Variants in PITPNC1 observed in about 807,000 individuals in gnomAD.
PITPNC1 encodes cytoplasmic phosphatidylinositol transfer protein 1.
PITPNC1 carries 18 observed loss-of-function variants against 44.7 expected under a neutral mutation model. The ratio of observed to expected loss-of-function variants is 0.40; its 90% CI spans 0.28 to 0.60. PITPNC1 has a LOEUF of 0.60. PITPNC1 is among the 20% of genes least tolerant of loss of function. PITPNC1 has a pLI of 0.39. For synonymous variants in PITPNC1, 141 were observed against 149.6 expected (o/e 0.94, Z 0.42); for missense variants, 290 against 418.4 (o/e 0.69, Z 2.68).
chr17:67,578,294 T>C (rs1236230229), intron 5 of PITPNC1, 37 bp downstream of exon 5: 3 of 1,432,810 alleles, frequency 2.1e-6, no homozygotes, highest in Non-Finnish European at 2.9e-6. Flanking sequence ...GCTCGCCTCG[T>C]GGGCTCTGAA....
At chr17:67,389,191 A>G (rs2038100036) in intron 1 of PITPNC1, among the ~76,000 whole-genome samples, 1 of 152,236 alleles carries the variant, frequency 6.6e-6, no homozygotes, top group African/African-American at 2.4e-5. Context: ...GTGTCCTGCC[A>G]TGTGGCCCTC....
intron 6 of PITPNC1, among the ~76,000 whole-genome samples, chr17:67,661,293 G>A (rs1159068176): frequency 1.3e-5 from 2 of 151,986 alleles, no homozygotes; most frequent in South Asian, 2.1e-4. Flanking sequence ...TCAAGGTCAC[G>A]AGCCCCTCCC....
Position 67,560,362 on chromosome 17 carries a change from A to G in PITPNC1, c.294+6745A>G, listed in dbSNP as rs1598821394. Among the ~76,000 whole-genome samples the G allele has an allele frequency of 2.0e-5, 3 of 152,306 alleles. 1 individual carries two copies. In the Middle Eastern group the frequency reaches 0.01, roughly 518 times the overall value. ...AATGTGTTGCCTGAAGATGACTATTACTCAGATACCAAAGTTTTTTGAAGA... is the reference window on the plus strand; with the variant it reads ...AATGTGTTGCCTGAAGATGACTATTGCTCAGATACCAAAGTTTTTTGAAGA... On this transcript the variant is annotated intron_variant, in intron 4 of 8. Transcript: ENST00000581322.
rs190489448 is a variant in PITPNC1 at position 67,644,228 on chromosome 17, C to T, written c.462+11990C>T. Among the ~76,000 whole-genome samples the T allele has an allele frequency of 1.7e-4, 26 of 152,236 alleles. No homozygotes were observed. The East Asian group carries it at 5.0e-3, about 29-fold the overall frequency. ...TGGGCCATCTGTGGCACTGCAGTGC[C>T]GGGATGGTACCCAAGGCAGTATTGC... On this transcript the variant is annotated intron_variant, in intron 6 of 8. Coordinates refer to ENST00000581322, the MANE Select transcript of PITPNC1 (RefSeq NM_012417.4).
intron 1 of PITPNC1, among the ~76,000 whole-genome samples, chr17:67,382,189 T>TG (rs2037971142): frequency 1.3e-5 from 2 of 152,198 alleles, no homozygotes; most frequent in African/African-American, 4.8e-5. Flanking sequence ...CCTTTTGACT[T>TG]GCTATAGACG....
At chr17:67,669,481 C>G in intron 6 of PITPNC1, 27 bp from the exon 7 acceptor site, 1 of 1,434,090 alleles carries the variant, frequency 7.0e-7, no homozygotes, top group Non-Finnish European at 9.3e-7. Context: ...TTTAATATAT[C>G]AATTTCTTTG....
intron 1 of PITPNC1, among the ~76,000 whole-genome samples, chr17:67,518,268 G>T (rs1236338988): frequency 6.6e-6 from 1 of 152,082 alleles, no homozygotes; most frequent in Non-Finnish European, 1.5e-5. Context: ...CCTCTTTGTG[G>T]TGCCCTTACA....
At chr17:67,531,311 G>T (rs1489926845) in intron 1 of PITPNC1, among the ~76,000 whole-genome samples, 1 of 152,230 alleles carries the variant, frequency 6.6e-6, no homozygotes, top group Non-Finnish European at 1.5e-5. Context: ...TATCCCCAGT[G>T]CTGCCCACTT....
intron 4 of PITPNC1, among the ~76,000 whole-genome samples, chr17:67,575,081 G>A (rs1176319099): frequency 8.6e-6 from 1 of 116,698 alleles, no homozygotes; most frequent in Non-Finnish European, 1.9e-5. Flanking sequence ...TCCTCACAGT[G>A]TTCCACTCTG....
rs544340214 is a variant in PITPNC1 at position 67,515,344 on chromosome 17, G to A, written c.49-17458G>A. On this transcript the variant is annotated intron_variant, in intron 1 of 8. Transcript: ENST00000581322. ...AAGAAGATGTGCTGATTCGTTTCTG[G>A]AGCCTCTCCCTTGTTCTCTTCCCAC... is the stretch of plus-strand genomic sequence containing the variant. Among the ~76,000 whole-genome samples the A allele has an allele frequency of 1.6e-4, 25 of 152,282 alleles. No individual in the cohort carries two copies. In the South Asian group the frequency reaches 4.4e-3, roughly 27 times the overall value.
intron 6 of PITPNC1, among the ~76,000 whole-genome samples, chr17:67,669,168 G>T (rs1353305794): frequency 6.6e-6 from 1 of 152,112 alleles, no homozygotes; most frequent in Non-Finnish European, 1.5e-5. Flanking sequence ...GTGCAATGGC[G>T]CAATCTTGGC....
intron 4 of PITPNC1, among the ~76,000 whole-genome samples, chr17:67,564,968 TATACTC>T (rs2040954833): frequency 2.0e-5 from 3 of 152,210 alleles, no homozygotes; most frequent in Non-Finnish European, 4.4e-5. Flanking sequence ...TTTCAGTGTG[TATACTC>T]GTTTGCCATG....
intron 1 of PITPNC1, among the ~76,000 whole-genome samples, chr17:67,506,989 C>T (rs143194407): frequency 3.2e-4 from 48 of 151,970 alleles, no homozygotes; most frequent in African/African-American, 9.7e-4. Context: ...GAAAACAAAT[C>T]GATGCTATAA....
At chr17:67,408,115 C>T (rs2143835554) in intron 1 of PITPNC1, among the ~76,000 whole-genome samples, 1 of 151,278 alleles carries the variant, frequency 6.6e-6, no homozygotes. Context: ...CCGCCACGCC[C>T]AGCTAATTTT....
rs957469210 is a variant in PITPNC1 at position 67,676,723 on chromosome 17, G to A, written c.682+1181G>A. Among the ~76,000 whole-genome samples, 2 of 152,052 alleles carry A rather than the reference G, an allele frequency of 1.3e-5. No homozygotes were observed. The highest frequency in any genetic ancestry group is 2.4e-5 in the African/African-American group (1 of 41,390). The stretch of plus-strand genomic sequence containing the variant: ...AGAAGGTACCAAAGTAAAAGGACAC[G>A]TTAGACGGAAGGGGCAAAGACAGTC... On this transcript the variant is annotated intron_variant, in intron 8 of 8. Transcript: ENST00000581322. The surrounding 1 kb of genome is among the most constrained non-coding windows in gnomAD (Gnocchi z 4.0).
chr17:67,518,685 C>T (rs1198321030), intron 1 of PITPNC1, among the ~76,000 whole-genome samples: 3 of 152,156 alleles, frequency 2.0e-5, no homozygotes, highest in Admixed American at 2.0e-4. Flanking sequence ...GATGGGCCAG[C>T]CATGGTGGCT....
intron 8 of PITPNC1, among the ~76,000 whole-genome samples, chr17:67,688,296 C>A (rs1157764665): frequency 1.9e-5 from 2 of 103,332 alleles, no homozygotes; most frequent in African/African-American, 7.4e-5. Flanking sequence ...CAAGATCGCG[C>A]CATTGCACTC....
chr17:67,601,166 A>T (rs1228355018), intron 5 of PITPNC1, among the ~76,000 whole-genome samples: 3 of 152,120 alleles, frequency 2.0e-5, no homozygotes, highest in African/African-American at 7.2e-5. Context: ...AAATAAATCT[A>T]TACCTGGACA....
chr17:67,441,735 T>C (rs1211602038), intron 1 of PITPNC1, among the ~76,000 whole-genome samples: 1 of 152,166 alleles, frequency 6.6e-6, no homozygotes, highest in Non-Finnish European at 1.5e-5. Context: ...TATTACACTT[T>C]GAGGGTCTTA....
Sources: allele counts gnomAD v4.1 joint callset (sites outside exome capture counted in the v4.1 genomes callset), GRCh38; gene constraint gnomAD v4.1.1; non-coding constraint Gnocchi (gnomAD v3.1); transcripts MANE v1.5; gene names NCBI Gene and HGNC (gene_info 2026-07-23, HGNC 2026-07-21).